MIDEAS: variants seen among roughly 807,000 people sequenced by gnomAD.
The protein encoded by MIDEAS is mitotic deacetylase associated SANT domain protein.
In MIDEAS, 26 loss-of-function variants were observed where a neutral mutation model predicts 102.7. The ratio of observed to expected loss-of-function variants is 0.25; its 90% CI spans 0.19 to 0.35. MIDEAS has a LOEUF of 0.35. Ranked by LOEUF, MIDEAS falls within the 10% of genes least tolerant of loss-of-function variation. MIDEAS has a pLI of 1.00. For synonymous variants in MIDEAS, 585 were observed against 591.0 expected, an observed-to-expected ratio of 0.99 and a Z score of 0.15; for missense variants, 1,231 against 1,435.6, an observed-to-expected ratio of 0.86 and a Z score of 2.30.
chr14:73,726,270 G>A (rs928124371), intron 7 of MIDEAS, among the ~76,000 whole-genome samples, 162 bp from the exon 8 acceptor site: 1 of 151,832 alleles, frequency 6.6e-6, no homozygotes, highest in Non-Finnish European at 1.5e-5. Flanking sequence ...ATCACAGGGG[G>A]TGGGGCTGCC....
rs2053246605 is a variant in MIDEAS, at chr14:73,739,191, T to C, written c.818A>G (p.Asn273Ser). 2 of 1,613,732 alleles carry C rather than the reference T, an allele frequency of 1.2e-6. No homozygotes were observed. The highest frequency in any genetic ancestry group is 1.7e-6 in the Non-Finnish European group (2 of 1,179,962). The change falls in exon 2 of 13, where the codon AAC becomes AGC. Residue 273 changes from asparagine to serine, a missense_variant. This residue lies in a region of MIDEAS where 758 missense variants were observed against 856.0 expected (regional missense o/e 0.89). Coordinates refer to ENST00000423556, the MANE Select transcript of MIDEAS (RefSeq NM_001367710.1). ...AALPQMPLFE[N>S]FYSMPQQPSQ... is the part of the protein sequence containing the mutation. ...GGGTTGCTGCGGCATGGAATAGAAG[T>C]TCTCAAAGAGCGGCATCTGGGGTAG... is the stretch of plus-strand genomic sequence containing the variant.
chr14:73,726,123 AG>A lies in MIDEAS; in HGVS notation c.2410-16del, dbSNP rs1396689767. ...TTCAGCGTTTCCTGGAGGGGAAGTGAGGGAAGGGTCAGGGCACTGACAGGGG... is the reference window on the plus strand; with the variant it reads ...TTCAGCGTTTCCTGGAGGGGAAGTGAGGAAGGGTCAGGGCACTGACAGGGG... On this transcript the variant is annotated splice_polypyrimidine_tract_variant and intron_variant, in intron 7 of 12. Coordinates refer to ENST00000423556, the MANE Select transcript of MIDEAS (RefSeq NM_001367710.1). The A allele has an allele frequency of 3.4e-5, 54 of 1,579,116 alleles. No individual in the cohort carries two copies. In the Admixed American group the frequency reaches 1.0e-3, roughly 30 times the overall value.
chr14:73,736,853 A>C, intron 3 of MIDEAS, 145 bp downstream of exon 3: 1 of 791,288 alleles, frequency 1.3e-6, no homozygotes, highest in East Asian at 2.7e-5. Context: ...ACGTCTGTCC[A>C]GAAGTTTGGT....
intron 1 of MIDEAS, among the ~76,000 whole-genome samples, chr14:73,785,824 C>T (rs1385450759): frequency 1.3e-5 from 2 of 152,212 alleles, no homozygotes; most frequent in Non-Finnish European, 2.9e-5. Context: ...CACCCCACAT[C>T]TCAGGCTTTG....
At chr14:73,756,295 T>TGTGTGTGTGTGCGCGCGCGCGCGTGC (rs55692592) in intron 1 of MIDEAS, among the ~76,000 whole-genome samples, 1 of 127,626 alleles carries the variant, frequency 7.8e-6, no homozygotes, top group Non-Finnish European at 1.8e-5. Flanking sequence ...TGTGTGTGTG[T>TGTGTGTGTGTGCGCGCGCGCGCGTGC]GCGCGCGCGC....
chr14:73,783,882 G>A (rs916035440), intron 1 of MIDEAS, among the ~76,000 whole-genome samples: 4 of 152,112 alleles, frequency 2.6e-5, no homozygotes, highest in African/African-American at 9.7e-5. Context: ...GGGGGTGTTC[G>A]GCCTCCTTTT....
At chr14:73,740,930 C>A (rs1229632476) in intron 1 of MIDEAS, among the ~76,000 whole-genome samples, 1 of 152,220 alleles carries the variant, frequency 6.6e-6, no homozygotes, top group Non-Finnish European at 1.5e-5. Flanking sequence ...CAGGTAAGGC[C>A]CCAGAAGGGT....
At chr14:73,755,850 C>T (rs1224381780) in intron 1 of MIDEAS, among the ~76,000 whole-genome samples, 1 of 152,200 alleles carries the variant, frequency 6.6e-6, no homozygotes, top group Non-Finnish European at 1.5e-5. Flanking sequence ...CAAAGGCAAA[C>T]ACACTGGATC....
chr14:73,771,063 C>A (rs1025781432), intron 1 of MIDEAS, among the ~76,000 whole-genome samples: 1 of 152,136 alleles, frequency 6.6e-6, no homozygotes, highest in Non-Finnish European at 1.5e-5. Flanking sequence ...CCTCCAAACA[C>A]ACACACACAC....
At chr14:73,769,325 C>T (rs2053621041) in intron 1 of MIDEAS, among the ~76,000 whole-genome samples, 1 of 152,214 alleles carries the variant, frequency 6.6e-6, no homozygotes, top group Non-Finnish European at 1.5e-5. Flanking sequence ...GGAGGCTCTG[C>T]AGTCACAGGA....
At chr14:73,764,381 A>C (rs1365263320), upstream of MIDEAS, among the ~76,000 whole-genome samples, 1 of 151,910 alleles carries the variant, frequency 6.6e-6, no homozygotes, top group African/African-American at 2.4e-5. Context: ...AAACAAAAAA[A>C]AACCACCTAG....
intron 1 of MIDEAS, among the ~76,000 whole-genome samples, chr14:73,750,907 T>A (rs2053410894): frequency 6.6e-6 from 1 of 152,218 alleles, no homozygotes; most frequent in African/African-American, 2.4e-5. Flanking sequence ...AAACAAGGCT[T>A]CATCAATACC....
intron 1 of MIDEAS, among the ~76,000 whole-genome samples, chr14:73,776,906 A>G (rs374570810): frequency 2.0e-4 from 31 of 151,920 alleles, no homozygotes; most frequent in African/African-American, 7.2e-4. Flanking sequence ...CCCCATCTCT[A>G]CTAAAAACAC....
chr14:73,727,625 A>T (rs1270982422), intron 4 of MIDEAS, 101 bp from the exon 5 acceptor site: 1 of 1,157,794 alleles, frequency 8.6e-7, no homozygotes, highest in East Asian at 2.7e-5. Flanking sequence ...CAGTGGTGAC[A>T]CACAGAGCTC....
intron 3 of MIDEAS, among the ~76,000 whole-genome samples, chr14:73,736,320 G>A (rs1351196815): frequency 6.6e-6 from 1 of 151,704 alleles, no homozygotes; most frequent in Admixed American, 6.6e-5. Flanking sequence ...AGAAAAAGTA[G>A]GCAAAACCTC....
intron 12 of MIDEAS, 136 bp from the exon 13 acceptor site, chr14:73,719,144 G>A (rs2052944195): frequency 6.8e-7 from 1 of 1,462,780 alleles, no homozygotes; most frequent in South Asian, 1.4e-5. Flanking sequence ...GTCATTTTCC[G>A]AAAGCTGCCC....
At position 73,721,490 on chromosome 14, in the gene MIDEAS, CTTGGGAACTT is replaced by C; in HGVS notation, c.2734_2743del (p.Lys912GlyfsTer21). 1 of 1,614,054 alleles carries C rather than the reference CTTGGGAACTT, an allele frequency of 6.2e-7. No homozygotes were observed. Among genetic ancestry groups the C allele is most frequent in the Non-Finnish European group, 8.5e-7 (1 of 1,179,982 alleles). On this transcript the variant is annotated frameshift_variant, in exon 11 of 13. Transcript: ENST00000423556. LOFTEE classifies it high-confidence loss of function. ...GGACTCTCTTCTGGGAAGAGGCACC[CTTGGGAACTT>C]TTGGGAAGTCTATGGGGAACAAGAA...
In MIDEAS at chr14:73,719,436, G is replaced by A; in HGVS notation, c.3003C>T (p.Ala1001=). 1 of 1,614,088 alleles carries A rather than the reference G, an allele frequency of 6.2e-7. No homozygotes were observed. The highest frequency in any genetic ancestry group is 1.1e-5 in the South Asian group (1 of 91,066). The change falls in exon 12 of 13, where the codon GCC becomes GCT. Residue 1001 remains alanine, a synonymous_variant. Coordinates refer to ENST00000423556, the MANE Select transcript of MIDEAS (RefSeq NM_001367710.1). ...CTGTCCCTTCCCTTGGCTTCTCCGAGGCCTGGCCACCGGCAGACCCAGGGG... is the reference window on the plus strand; with the variant it reads ...CTGTCCCTTCCCTTGGCTTCTCCGAAGCCTGGCCACCGGCAGACCCAGGGG... ...SNAPGSAGGQ[A]SEKPREGTGK...
rs57430742 is a variant in MIDEAS, at chr14:73,766,352, T to C, written c.-248+20750A>G. On this transcript the variant is annotated intron_variant, in intron 1 of 11. Coordinates refer to the MIDEAS transcript ENST00000394071. ...TGCTCAGTGAATGCCTGTTGATAAA[T>C]GCATGAATAAAACAGTATATGTGAA... is the stretch of plus-strand genomic sequence containing the variant. Among the ~76,000 whole-genome samples the C allele has an allele frequency of 2.7e-3, 415 of 152,332 alleles. 1 individual carries two copies. The highest frequency in any genetic ancestry group is 9.4e-3 in the African/African-American group (392 of 41,562).
Sources: allele counts gnomAD v4.1 joint callset (sites outside exome capture counted in the v4.1 genomes callset), GRCh38; gene constraint gnomAD v4.1.1; regional missense constraint gnomAD v4.1.1; transcripts MANE v1.5; gene names NCBI Gene and HGNC (gene_info 2026-07-23, HGNC 2026-07-21).